The following GPM6A variants were observed in gnomAD, a reference collection of about 807,000 sequenced individuals.
GPM6A encodes neuronal membrane glycoprotein M6-a.
A neutral mutation model predicts 32.1 loss-of-function variants in GPM6A; 7 were observed. The observed-to-expected ratio is 0.22, with a 90% CI of 0.12 to 0.41. The LOEUF (loss-of-function observed/expected upper bound fraction) is 0.41, where lower values mean the gene tolerates loss of function less well. GPM6A is among the 10% of genes least tolerant of loss of function. The pLI is 1.00. For synonymous variants in GPM6A, 130 were observed against 123.4 expected (o/e 1.05, Z -0.35); for missense variants, 235 against 347.2 (o/e 0.68, Z 2.57).
chr4:175,759,066 A>G (rs1180302213), intron 1 of GPM6A, among the ~76,000 whole-genome samples: 1 of 152,204 alleles, frequency 6.6e-6, no homozygotes, highest in African/African-American at 2.4e-5. Flanking sequence ...AGTTCATGCA[A>G]TCAGCCATTC....
chr4:175,975,186 G>T (rs544801525), intron 1 of GPM6A, among the ~76,000 whole-genome samples: 2 of 152,242 alleles, frequency 1.3e-5, no homozygotes, highest in South Asian at 2.1e-4. Context: ...AGGTAAATCT[G>T]TCCAACTCCA....
chr4:175,905,860 A>T (rs1738115899), intron 1 of GPM6A, among the ~76,000 whole-genome samples: 1 of 152,016 alleles, frequency 6.6e-6, no homozygotes, highest in African/African-American at 2.4e-5. Context: ...CGTCATTAAG[A>T]AAAAAAGAGC....
intron 1 of GPM6A, among the ~76,000 whole-genome samples, chr4:175,828,833 TA>T (rs1460729037): frequency 6.6e-6 from 1 of 151,570 alleles, no homozygotes; most frequent in African/African-American, 2.4e-5. Flanking sequence ...TTTAATGATA[TA>T]AAATATATTT....
chr4:175,748,900 C>G (rs80345492), intron 1 of GPM6A, among the ~76,000 whole-genome samples: 6,353 of 152,274 alleles, frequency 0.042, 180 homozygotes, highest in Non-Finnish European at 0.062. Flanking sequence ...CCCACTGCAG[C>G]TTCTACATTA....
chr4:175,725,387 G>A (rs1560898299), intron 1 of GPM6A, among the ~76,000 whole-genome samples: 1 of 151,668 alleles, frequency 6.6e-6, no homozygotes, highest in Non-Finnish European at 1.5e-5. Context: ...CACCTCTTGG[G>A]CTCAAGTGAT....
At chr4:175,992,681 T>G (rs1741188686) in intron 1 of GPM6A, among the ~76,000 whole-genome samples, 1 of 152,188 alleles carries the variant, frequency 6.6e-6, no homozygotes, top group Non-Finnish European at 1.5e-5. Context: ...GTTGATTCAT[T>G]TCACAGTTTG....
intron 6 of GPM6A, among the ~76,000 whole-genome samples, chr4:175,637,318 A>AATATATATTATATAATATATAATATAT (rs1740756128): frequency 1.6e-5 from 1 of 64,486 alleles, no homozygotes; most frequent in South Asian, 4.7e-4. Flanking sequence ...ATATAATATA[A>AATATATATTATATAATATATAATATAT]AATATATATT....
chr4:175,847,661 TA>T (rs1452397949), intron 1 of GPM6A, among the ~76,000 whole-genome samples: 1 of 152,098 alleles, frequency 6.6e-6, no homozygotes, highest in Non-Finnish European at 1.5e-5. Context: ...ATGCTTCCTT[TA>T]AGTGAAAAGA....
chr4:175,666,062 G>A (rs1474532780), intron 3 of GPM6A, among the ~76,000 whole-genome samples: 1 of 151,506 alleles, frequency 6.6e-6, no homozygotes, highest in Non-Finnish European at 1.5e-5. Context: ...GGGATTACAG[G>A]TGCCCACCAC....
intron 1 of GPM6A, among the ~76,000 whole-genome samples, chr4:175,903,249 AT>A (rs1026469396): frequency 1.5e-4 from 22 of 151,276 alleles, no homozygotes; most frequent in African/African-American, 5.1e-4. Flanking sequence ...TCATTTGACT[AT>A]CAAAATAAAT....
intron 1 of GPM6A, among the ~76,000 whole-genome samples, chr4:175,871,748 A>G (rs571012505): frequency 1.3e-5 from 2 of 152,296 alleles, no homozygotes; most frequent in African/African-American, 4.8e-5. Flanking sequence ...TTTGTGCAAA[A>G]TTAATAGCAT....
At chr4:175,643,077 T>C (rs1285486470) in intron 4 of GPM6A, among the ~76,000 whole-genome samples, 1 of 152,088 alleles carries the variant, frequency 6.6e-6, no homozygotes, top group African/African-American at 2.4e-5. Flanking sequence ...TGCCTCTATG[T>C]TCAAAATACA....
intron 1 of GPM6A, among the ~76,000 whole-genome samples, chr4:175,802,189 C>G (rs920903164): frequency 1.4e-4 from 22 of 152,100 alleles, no homozygotes; most frequent in Non-Finnish European, 1.8e-4. Flanking sequence ...CAAGATTATA[C>G]TTTTCAGCCT....
At chr4:175,895,951 T>A (rs1432792902) in intron 1 of GPM6A, among the ~76,000 whole-genome samples, 2 of 152,202 alleles carry the variant, frequency 1.3e-5, no homozygotes, top group African/African-American at 2.4e-5. Flanking sequence ...CTTTTATTAA[T>A]CCTGAATCTC....
intron 1 of GPM6A, among the ~76,000 whole-genome samples, chr4:175,711,332 G>C (rs1745513785): frequency 7.2e-6 from 1 of 139,300 alleles, no homozygotes; most frequent in African/African-American, 2.7e-5. Flanking sequence ...AAATAAATAA[G>C]CAAAAAAGAA....
intron 1 of GPM6A, among the ~76,000 whole-genome samples, chr4:175,766,581 A>G (rs1047088183): frequency 4.0e-5 from 6 of 151,820 alleles, no homozygotes; most frequent in African/African-American, 1.2e-4. Context: ...TAATATACCT[A>G]TCATTGATGC....
chr4:175,981,733 C>T (rs559962644), intron 1 of GPM6A, among the ~76,000 whole-genome samples: 7 of 152,134 alleles, frequency 4.6e-5, no homozygotes, highest in African/African-American at 1.4e-4. Flanking sequence ...TTATTTATCT[C>T]GGGTAAATAC....
At chr4:175,863,687 G>A (rs1736641848) in intron 1 of GPM6A, among the ~76,000 whole-genome samples, 1 of 152,034 alleles carries the variant, frequency 6.6e-6, no homozygotes, top group African/African-American at 2.4e-5. Context: ...AATTTATGTT[G>A]CCACCAGCAA....
chr4:175,964,566 G>A (rs759255040), intron 1 of GPM6A, among the ~76,000 whole-genome samples: 8 of 152,082 alleles, frequency 5.3e-5, no homozygotes, highest in South Asian at 2.1e-4. Context: ...TCTTTGTATC[G>A]TTACATGATC....
Sources: allele counts gnomAD v4.1 joint callset (sites outside exome capture counted in the v4.1 genomes callset), GRCh38; gene constraint gnomAD v4.1.1; transcripts MANE v1.5; gene names NCBI Gene and HGNC (gene_info 2026-07-23, HGNC 2026-07-21).